Variants in ADGRL2 observed in about 807,000 individuals in gnomAD.
The protein encoded by ADGRL2 is adhesion G protein-coupled receptor L2.
Under a neutral mutation model 157.4 loss-of-function variants are expected in ADGRL2, and 44 were observed. The ratio of observed to expected loss-of-function variants is 0.28; its 90% CI spans 0.22 to 0.36. The LOEUF is 0.36. Ranked by LOEUF, ADGRL2 falls within the 10% of genes least tolerant of loss-of-function variation. The probability of loss-of-function intolerance (pLI) is 1.00; values close to 1 mark genes in which losing one functional copy is unlikely to be tolerated. For synonymous variants in ADGRL2, 585 were observed against 624.7 expected (o/e 0.94, Z 0.95); for missense variants, 1,510 against 1,768.9 (o/e 0.85, Z 2.63).
intron 2 of ADGRL2, among the ~76,000 whole-genome samples, chr1:81,536,262 G>A (rs1483387667): frequency 1.3e-5 from 2 of 151,978 alleles, no homozygotes; most frequent in East Asian, 3.9e-4. Flanking sequence ...TTTGGCCCCT[G>A]TAGTCTCTCT....
chr1:81,335,532 G>T (rs373183198), intron 1 of ADGRL2, among the ~76,000 whole-genome samples: 13 of 152,292 alleles, frequency 8.5e-5, no homozygotes, highest in African/African-American at 2.9e-4. Flanking sequence ...ATAATTTAGT[G>T]TGAGAAATAA....
chr1:81,541,491 C>T (rs2079882299), intron 2 of ADGRL2, among the ~76,000 whole-genome samples: 3 of 152,144 alleles, frequency 2.0e-5, no homozygotes, highest in African/African-American at 4.8e-5. Context: ...CCTTTTCACA[C>T]ACCCACATTG....
chr1:81,502,921 C>A, intron 2 of ADGRL2: 1 of 1,612,436 alleles, frequency 6.2e-7, no homozygotes, highest in Non-Finnish European at 8.5e-7. Flanking sequence ...CAGTAGCCCT[C>A]GAATATCCCC....
intron 3 of ADGRL2, among the ~76,000 whole-genome samples, chr1:81,642,646 A>G (rs949907760): frequency 1.3e-5 from 2 of 152,136 alleles, no homozygotes; most frequent in Admixed American, 6.6e-5. Flanking sequence ...TTACAGACAA[A>G]TCTCTCACAT....
intron 2 of ADGRL2, among the ~76,000 whole-genome samples, chr1:81,450,197 G>T (rs2077678745): frequency 6.6e-6 from 1 of 152,148 alleles, no homozygotes; most frequent in Non-Finnish European, 1.5e-5. Flanking sequence ...AGGAAGAAAT[G>T]AGATCATTCT....
rs141919979 is a variant in ADGRL2 at position 81,388,465 on chromosome 1, G to A, written c.-301-56571G>A. ...CTTTCATTTTTTCTTTTTCTCTCTT[G>A]CTCTTCAATGTGCCAGATTACTATG... is the stretch of plus-strand genomic sequence containing the variant. On this transcript the variant is annotated intron_variant, in intron 1 of 24. Coordinates refer to the ADGRL2 transcript ENST00000370721. Among the ~76,000 whole-genome samples the A allele has an allele frequency of 2.2e-3, 339 of 152,018 alleles. 6 individuals carry two copies. In the East Asian group the frequency reaches 0.025, roughly 11 times the overall value.
At chr1:81,322,536 G>A (rs1660598399) in intron 1 of ADGRL2, among the ~76,000 whole-genome samples, 1 of 152,032 alleles carries the variant, frequency 6.6e-6, no homozygotes, top group South Asian at 2.1e-4. Flanking sequence ...TGCACCAGTG[G>A]TGATAGGACT....
In ADGRL2 at chr1:81,991,177, G is replaced by A. The variant is rs1411577589; in HGVS notation, c.*32G>A. 5 of 1,556,340 alleles carry A rather than the reference G, an allele frequency of 3.2e-6. No individual in the cohort carries two copies. Among genetic ancestry groups the A allele is most frequent in the Non-Finnish European group, 4.3e-6 (5 of 1,151,272 alleles). On this transcript the variant is annotated 3_prime_UTR_variant, in exon 24 of 24. Coordinates refer to ENST00000686636, the MANE Select transcript of ADGRL2 (RefSeq NM_001366006.2). ...AGCTAAGGAATTCCAAGGGCCACAT[G>A]CGAGTATTAATAAATAAAGACACCA...
intron 1 of ADGRL2, chr1:81,722,059 G>A (rs977221921): frequency 1.3e-5 from 5 of 393,310 alleles, no homozygotes; most frequent in South Asian, 6.2e-5. Flanking sequence ...TTGGGAGGCC[G>A]AGGCGGGCGG....
chr1:81,736,497 T>G (rs2084906963), intron 1 of ADGRL2, among the ~76,000 whole-genome samples: 1 of 152,168 alleles, frequency 6.6e-6, no homozygotes, highest in South Asian at 2.1e-4. Flanking sequence ...ATTTATTGGG[T>G]TATTCGATTA....
At chr1:81,981,015 TTTC>T (rs1198748434) in intron 18 of ADGRL2, 12 of 417,160 alleles carry the variant, frequency 2.9e-5, no homozygotes, top group African/African-American at 6.2e-5. Context: ...GCATTTTGAC[TTTC>T]TTAATTTTGA....
intron 2 of ADGRL2, among the ~76,000 whole-genome samples, chr1:81,545,533 G>A (rs958012119): frequency 1.3e-5 from 2 of 151,956 alleles, no homozygotes; most frequent in African/African-American, 4.8e-5. Flanking sequence ...TGCCCGCCTC[G>A]CCTCCCAAAG....
Position 81,716,926 on chromosome 1 carries a change from G to C in ADGRL2, c.-143+17118G>C, listed in dbSNP as rs141845142. Reference sequence around the variant, plus strand: ...AGAAATAAAGTGCTGTTTAGTTTTTGATCTTCAGTCTTCTCATCCAAAAAT... The same window carrying C: ...AGAAATAAAGTGCTGTTTAGTTTTTCATCTTCAGTCTTCTCATCCAAAAAT... On this transcript the variant is annotated intron_variant, in intron 1 of 20. Transcript: ENST00000359929. 8.9e-3 allele frequency among the ~76,000 whole-genome samples: 1,360 copies of C among 152,216 alleles called. 7 individuals are homozygous for C. The highest frequency in any genetic ancestry group is 0.017 in the Middle Eastern group (5 of 294).
Position 81,990,441 on chromosome 1 carries a change from C to T in ADGRL2, c.3706C>T (p.Leu1236=), listed in dbSNP as rs746655027. The T allele has an allele frequency of 6.2e-7, 1 of 1,614,080 alleles. No homozygotes were observed. Among genetic ancestry groups the T allele is most frequent in the Admixed American group, 1.7e-5 (1 of 60,016 alleles). The change falls in exon 24 of 24, where the codon CTA becomes TTA. Residue 1236 remains leucine (L), a synonymous_variant. Transcript: ENST00000686636. Reference sequence around the variant, plus strand: ...TACAAGTGCCATGGATACTCTACCGCTAAATGGTAATTTTAACAACAGCTA... The same window carrying T: ...TACAAGTGCCATGGATACTCTACCGTTAAATGGTAATTTTAACAACAGCTA... ...RDTSAMDTLP[L]NGNFNNSYSL...
chr1:81,631,790 G>A (rs900444155), intron 3 of ADGRL2, among the ~76,000 whole-genome samples: 4 of 152,000 alleles, frequency 2.6e-5, no homozygotes, highest in Admixed American at 6.5e-5. Flanking sequence ...CATGATTATC[G>A]CCATTCTCAC....
At chr1:81,796,364 G>A (rs2087587833), upstream of ADGRL2, among the ~76,000 whole-genome samples, 1 of 152,134 alleles carries the variant, frequency 6.6e-6, no homozygotes. Context: ...AAAATTACTA[G>A]AAGTTATAGA....
chr1:81,674,911 T>A (rs1171292423), intron 3 of ADGRL2, among the ~76,000 whole-genome samples: 2 of 152,178 alleles, frequency 1.3e-5, no homozygotes, highest in African/African-American at 2.4e-5. Context: ...AACTGTTTCA[T>A]ATGAAAAATA....
intron 2 of ADGRL2, among the ~76,000 whole-genome samples, chr1:81,864,806 CAAACA>C (rs997867691): frequency 1.2e-4 from 18 of 151,962 alleles, no homozygotes; most frequent in Admixed American, 1.2e-3. Context: ...TACTAAAAAA[CAAACA>C]AAACAAAACA....
At chr1:81,554,440 T>C (rs1162446099) in intron 2 of ADGRL2, among the ~76,000 whole-genome samples, 4 of 152,084 alleles carry the variant, frequency 2.6e-5, no homozygotes, top group Non-Finnish European at 5.9e-5. Flanking sequence ...GTAGTTCCTT[T>C]CACCTGTCCT....
Sources: gnomAD v4.1 joint callset for allele counts (sites outside exome capture counted in the v4.1 genomes callset) on GRCh38, gnomAD v4.1.1 for gene constraint, MANE v1.5 for transcripts, NCBI Gene and HGNC (gene_info 2026-07-23, HGNC 2026-07-21) for gene names.